RBMS1: variants seen among roughly 807,000 people sequenced by gnomAD.
The protein encoded by RBMS1 is RNA-binding motif, single-stranded-interacting protein 1.
A neutral mutation model predicts 62.3 loss-of-function variants in RBMS1; 17 were observed. The observed-to-expected ratio is 0.27, with a 90% CI of 0.19 to 0.41. The LOEUF (loss-of-function observed/expected upper bound fraction) is 0.41, where lower values mean the gene tolerates loss of function less well. Ranked by LOEUF, RBMS1 falls within the 10% of genes least tolerant of loss-of-function variation. The probability of loss-of-function intolerance (pLI) is 1.00; values close to 1 mark genes in which losing one functional copy is unlikely to be tolerated. For synonymous variants in RBMS1, 172 were observed against 170.0 expected (o/e 1.01, Z -0.09); for missense variants, 334 against 504.5 (o/e 0.66, Z 3.24).
At chr2:160,357,355 T>C (rs1171293762) in intron 2 of RBMS1, among the ~76,000 whole-genome samples, 3 of 152,112 alleles carry the variant, frequency 2.0e-5, no homozygotes, top group East Asian at 3.9e-4. Flanking sequence ...AATGGCTCTT[T>C]ATCATGCCTA....
rs1203148947 is a variant in RBMS1 at position 160,339,573 on chromosome 2, T to C, written c.252-21346A>G. 4.6e-5 allele frequency among the ~76,000 whole-genome samples: 7 copies of C among 152,150 alleles called. 1 individual carries two copies. Among genetic ancestry groups the C allele is most frequent in the African/African-American group, 1.7e-4 (7 of 41,438 alleles). On this transcript the variant is annotated intron_variant, in intron 2 of 13. Coordinates refer to ENST00000348849, the MANE Select transcript of RBMS1 (RefSeq NM_016836.4). ...AAGTAAAACACAAGAGTGTATTTAT[T>C]ACACACCATGATGTGTCTTTTAAAA...
chr2:160,362,844 A>G (rs1288204310), intron 2 of RBMS1, among the ~76,000 whole-genome samples: 1 of 151,672 alleles, frequency 6.6e-6, no homozygotes, highest in Non-Finnish European at 1.5e-5. Context: ...CTTCCTCCCA[A>G]AAAAAAAGCC....
At chr2:160,345,220 G>C (rs1279823669) in intron 2 of RBMS1, among the ~76,000 whole-genome samples, 1 of 152,036 alleles carries the variant, frequency 6.6e-6, no homozygotes, top group Non-Finnish European at 1.5e-5. Context: ...AGAAAAACAA[G>C]ACAACAGCCC....
At chr2:160,463,425 A>T (rs1407819282) in intron 1 of RBMS1, among the ~76,000 whole-genome samples, 1 of 152,240 alleles carries the variant, frequency 6.6e-6, no homozygotes, top group Admixed American at 6.5e-5. Flanking sequence ...CTTTTCAACC[A>T]GGATTGTAAT....
chr2:160,464,650 T>C (rs1050497527), intron 1 of RBMS1, among the ~76,000 whole-genome samples: 2 of 152,236 alleles, frequency 1.3e-5, no homozygotes, highest in Admixed American at 1.3e-4. Context: ...GCTTTTTGAA[T>C]ATTAAGTTAC....
At chr2:160,446,171 C>T (rs1369772055) in intron 1 of RBMS1, among the ~76,000 whole-genome samples, 1 of 152,160 alleles carries the variant, frequency 6.6e-6, no homozygotes, top group Non-Finnish European at 1.5e-5. Context: ...ACATTTCAGA[C>T]AAGTATCAAA....
chr2:160,376,798 G>A (rs1001549597), intron 1 of RBMS1, among the ~76,000 whole-genome samples: 1 of 150,094 alleles, frequency 6.7e-6, no homozygotes, highest in Non-Finnish European at 1.5e-5. Flanking sequence ...ATCGCGTCTG[G>A]CTAATCAAAT....
At chr2:160,415,442 C>G (rs1696175447) in intron 1 of RBMS1, among the ~76,000 whole-genome samples, 1 of 151,978 alleles carries the variant, frequency 6.6e-6, no homozygotes, top group Non-Finnish European at 1.5e-5. Flanking sequence ...ATCACATCCA[C>G]TCTTGCTACT....
intron 1 of RBMS1, among the ~76,000 whole-genome samples, chr2:160,426,960 G>A (rs553754620): frequency 6.6e-6 from 1 of 152,320 alleles, no homozygotes; most frequent in Admixed American, 6.5e-5. Context: ...TGTTACCAAA[G>A]TAAGGCCGGA....
chr2:160,297,102 C>T (rs1688975614), intron 6 of RBMS1, among the ~76,000 whole-genome samples: 1 of 152,118 alleles, frequency 6.6e-6, no homozygotes, highest in South Asian at 2.1e-4. Flanking sequence ...TGACATGGAC[C>T]TAAGGCTCAA....
chr2:160,404,587 T>C (rs1695596367), intron 1 of RBMS1, among the ~76,000 whole-genome samples: 1 of 152,228 alleles, frequency 6.6e-6, no homozygotes, highest in Non-Finnish European at 1.5e-5. Context: ...ATAGGTTATA[T>C]ACAAATACTA....
At position 160,290,847 on chromosome 2, in the gene RBMS1, G is replaced by A. The variant is rs139550731; in HGVS notation, c.641-3763C>T. On this transcript the variant is annotated intron_variant, in intron 6 of 13. Transcript: ENST00000348849. ...GTGTGCTCTCAACAGAGCTTTGAGA[G>A]TGGGATGGTCTCTTACACAAGCTTG... 2.6e-3 allele frequency among the ~76,000 whole-genome samples: 395 copies of A among 152,304 alleles called. 1 individual carries two copies. Among genetic ancestry groups the A allele is most frequent in the African/African-American group, 8.7e-3 (363 of 41,560 alleles).
intron 1 of RBMS1, among the ~76,000 whole-genome samples, chr2:160,491,378 C>G (rs1685821459): frequency 6.6e-6 from 1 of 152,222 alleles, no homozygotes; most frequent in South Asian, 2.1e-4. Context: ...TTTACCGCAA[C>G]ACAAATCAAT....
chr2:160,421,161 T>C (rs1696408765), intron 1 of RBMS1, among the ~76,000 whole-genome samples: 1 of 152,044 alleles, frequency 6.6e-6, no homozygotes, highest in African/African-American at 2.4e-5. Context: ...TTTTTATTAT[T>C]ATACTTTAAG....
At chr2:160,390,288 T>C (rs543590372) in intron 1 of RBMS1, among the ~76,000 whole-genome samples, 9 of 152,224 alleles carry the variant, frequency 5.9e-5, no homozygotes, top group Non-Finnish European at 7.3e-5. Context: ...ACCTTGAATT[T>C]CAACTTAAAG....
At chr2:160,325,959 AT>A (rs1690899358) in intron 2 of RBMS1, among the ~76,000 whole-genome samples, 1 of 152,140 alleles carries the variant, frequency 6.6e-6, no homozygotes, top group Admixed American at 6.5e-5. Context: ...GATATTCCCC[AT>A]TTCATTTGGT....
chr2:160,407,802 G>A (rs917745514), intron 1 of RBMS1: 30 of 981,294 alleles, frequency 3.1e-5, no homozygotes, highest in Admixed American at 6.3e-5. Flanking sequence ...TGCCATGGAC[G>A]GGAGTTCGCG....
intron 1 of RBMS1, among the ~76,000 whole-genome samples, chr2:160,396,895 ACT>A (rs898046393): frequency 6.6e-5 from 10 of 152,120 alleles, no homozygotes; most frequent in South Asian, 6.2e-4. Flanking sequence ...TGCACGTGGC[ACT>A]CTCTGACCGA....
chr2:160,337,135 CTTTTT>C (rs768216149), intron 2 of RBMS1, among the ~76,000 whole-genome samples: 2 of 136,390 alleles, frequency 1.5e-5, no homozygotes, highest in African/African-American at 2.7e-5. Context: ...TTTTTCTTTT[CTTTTT>C]TTTTTTTTTT....
Sources: allele counts gnomAD v4.1 joint callset (sites outside exome capture counted in the v4.1 genomes callset), GRCh38; gene constraint gnomAD v4.1.1; transcripts MANE v1.5; gene names NCBI Gene and HGNC (gene_info 2026-07-23, HGNC 2026-07-21).